The following PRPF18 variants were observed in gnomAD, a reference collection of about 807,000 sequenced individuals.
PRPF18 encodes the protein pre-mRNA-splicing factor 18.
Under a neutral mutation model 46.5 loss-of-function variants are expected in PRPF18, and 38 were observed. The observed-to-expected ratio is 0.82, with a 90% CI of 0.63 to 1.07. PRPF18 has a LOEUF of 1.07. Among genes scored for constraint, PRPF18 ranks in the 50% least tolerant of loss-of-function variants. PRPF18 has a pLI of 0.00. For synonymous variants in PRPF18, 152 were observed against 146.7 expected (o/e 1.04, Z -0.26); for missense variants, 263 against 410.0 (o/e 0.64, Z 3.10).
chr10:13,635,077 T>G (rs759924750), downstream of PRPF18, among the ~76,000 whole-genome samples: 5 of 152,152 alleles, frequency 3.3e-5, no homozygotes, highest in Admixed American at 6.5e-5. Flanking sequence ...GGCCCCAGTG[T>G]GTGTTGTTAC....
chr10:13,634,831 C>T (rs2080622239), downstream of PRPF18, among the ~76,000 whole-genome samples: 1 of 152,084 alleles, frequency 6.6e-6, no homozygotes, highest in Admixed American at 6.5e-5. Flanking sequence ...AATTGGTTGA[C>T]AACTCATTAA....
intron 1 of PRPF18, among the ~76,000 whole-genome samples, chr10:13,589,691 C>A (rs547067471): frequency 6.6e-6 from 1 of 152,166 alleles, no homozygotes; most frequent in Non-Finnish European, 1.5e-5. Flanking sequence ...CATGGAAATC[C>A]GTGCATCACA....
At chr10:13,598,362 C>G (rs1000436149) in intron 2 of PRPF18, among the ~76,000 whole-genome samples, 3 of 151,876 alleles carry the variant, frequency 2.0e-5, no homozygotes, top group African/African-American at 7.3e-5. Flanking sequence ...TGTAATTAAC[C>G]TTTTGCTTGT....
the PRPF18 span, among the ~76,000 whole-genome samples, chr10:13,636,525 G>A: frequency 6.6e-6 from 1 of 152,092 alleles, no homozygotes; most frequent in Admixed American, 6.5e-5. Context: ...CAGTGGCTTG[G>A]CCCTTTGAAA....
chr10:13,615,758 A>AT (rs1269790064), intron 8 of PRPF18, among the ~76,000 whole-genome samples: 1 of 142,214 alleles, frequency 7.0e-6, no homozygotes, highest in African/African-American at 2.7e-5. Flanking sequence ...TTCTGTCTTC[A>AT]TTTTTTGTGG....
At position 13,611,678 on chromosome 10, in the gene PRPF18, C is replaced by T; in HGVS notation, c.574C>T (p.Leu192=). The T allele has an allele frequency of 6.2e-7, 1 of 1,613,564 alleles. No individual in the cohort carries two copies. Among genetic ancestry groups the T allele is most frequent in the Non-Finnish European group, 8.5e-7 (1 of 1,179,580 alleles). ...HKDMDIITKF[L]KFLLGVWAKE... is the part of the protein sequence containing the mutation. Reference sequence around the variant, plus strand: ...AGACATGGACATCATCACCAAATTCCTGAAGGTGCGTGTCTTAGGCGAGGG... The same window carrying T: ...AGACATGGACATCATCACCAAATTCTTGAAGGTGCGTGTCTTAGGCGAGGG... The change falls in exon 6 of 10, where the codon CTG becomes TTG. Residue 192 remains leucine (L), a synonymous_variant. Transcript: ENST00000378572.
At chr10:13,651,749 G>A in the PRPF18 span, 2 of 624,552 alleles carry the variant, frequency 3.2e-6, no homozygotes, top group African/African-American at 3.7e-5. Context: ...AGAACCTTCA[G>A]CTAAAAACAT....
chr10:13,648,430 TCTCTCC>T, the PRPF18 span, among the ~76,000 whole-genome samples: 2 of 152,054 alleles, frequency 1.3e-5, no homozygotes, highest in African/African-American at 4.8e-5. Context: ...AGGGGGACAG[TCTCTCC>T]CTAACTCCAC....
chr10:13,610,159 G>T lies in PRPF18; in HGVS notation c.484G>T (p.Glu162Ter). 6.2e-7 allele frequency: 1 copy of T among 1,614,100 alleles called. No homozygotes were observed. The highest frequency in any genetic ancestry group is 8.5e-7 in the Non-Finnish European group (1 of 1,179,982). ...DTQNDLKVHEENTTIEELEAL... is the reference protein window; with the variant it reads ...DTQNDLKVHE Reference sequence around the variant, plus strand: ...ACAGAATGATCTGAAAGTTCATGAGGAAAACACCACAATTGAAGAGTTAGA... The same window carrying T: ...ACAGAATGATCTGAAAGTTCATGAGTAAAACACCACAATTGAAGAGTTAGA... Residue 162 changes from glutamate (E) to a stop codon, truncating the protein, a stop_gained, in exon 5 of 10, where the codon GAA becomes TAA. Coordinates refer to ENST00000378572, the MANE Select transcript of PRPF18 (RefSeq NM_003675.4). LOFTEE classifies it high-confidence loss of function.
intron 8 of PRPF18, 40 bp from the exon 9 acceptor site, chr10:13,616,358 A>G (rs750595887): frequency 3.2e-6 from 5 of 1,558,398 alleles, no homozygotes; most frequent in South Asian, 1.1e-5. Flanking sequence ...CCAGTACAAC[A>G]TTTTCGCCTT....
chr10:13,602,460 C>T (rs2080125880), intron 3 of PRPF18, among the ~76,000 whole-genome samples: 1 of 149,782 alleles, frequency 6.7e-6, no homozygotes, highest in African/African-American at 2.4e-5. Context: ...TATTTTTTGC[C>T]ATGCAGAAGT....
chr10:13,655,651 C>G, the PRPF18 span: 12,054 of 152,202 alleles, frequency 0.079, 500 homozygotes, highest in African/African-American at 0.1. Context: ...CACCAAGAAT[C>G]TCCTACAGTT....
At chr10:13,596,095 T>C (rs185648023) in intron 1 of PRPF18, among the ~76,000 whole-genome samples, 1 of 152,376 alleles carries the variant, frequency 6.6e-6, no homozygotes, top group East Asian at 1.9e-4. Flanking sequence ...AGTTCAATCC[T>C]TGCATTTGCT....
chr10:13,621,907 A>G (rs1345932409), intron 9 of PRPF18, among the ~76,000 whole-genome samples: 1 of 152,190 alleles, frequency 6.6e-6, no homozygotes, highest in African/African-American at 2.4e-5. Flanking sequence ...GGCATATTTC[A>G]TCTATGCTAG....
the PRPF18 span, chr10:13,640,364 C>G: frequency 6.6e-6 from 1 of 152,146 alleles, no homozygotes; most frequent in South Asian, 2.1e-4. Context: ...TAATAGGCAA[C>G]CAGGTTTTCA....
chr10:13,600,452 T>C (rs2080089926), intron 3 of PRPF18, 104 bp downstream of exon 3: 1 of 811,206 alleles, frequency 1.2e-6, no homozygotes. Context: ...CTGCGTAAAA[T>C]GACTTATCTA....
intron 1 of PRPF18, among the ~76,000 whole-genome samples, chr10:13,596,880 C>CA (rs557922285): frequency 5.5e-4 from 84 of 152,126 alleles, no homozygotes; most frequent in African/African-American, 1.9e-3. Context: ...GAAAAACGCA[C>CA]AAAAAACCCC....
intron 1 of PRPF18, 118 bp from the exon 2 acceptor site, chr10:13,597,340 A>G (rs2080050226): frequency 1.5e-5 from 10 of 679,402 alleles, no homozygotes; most frequent in Non-Finnish European, 2.1e-5. Context: ...TATTTATTTT[A>G]TCCAATTCTT....
At chr10:13,629,582 G>C (rs1303422080) in intron 9 of PRPF18, among the ~76,000 whole-genome samples, 1 of 152,134 alleles carries the variant, frequency 6.6e-6, no homozygotes, top group Non-Finnish European at 1.5e-5. Flanking sequence ...GTTCCACCAT[G>C]TTATATGTGC....
Sources: allele counts gnomAD v4.1 joint callset (sites outside exome capture counted in the v4.1 genomes callset), GRCh38; gene constraint gnomAD v4.1.1; transcripts MANE v1.5; gene names NCBI Gene and HGNC (gene_info 2026-07-23, HGNC 2026-07-21).